The following CYTH1 variants were observed in gnomAD, a reference collection of about 807,000 sequenced individuals.
The protein encoded by CYTH1 is cytohesin 1.
A neutral mutation model predicts 61.8 loss-of-function variants in CYTH1; 18 were observed. The ratio of observed to expected loss-of-function variants is 0.29; its 90% CI spans 0.20 to 0.43. The LOEUF is 0.43. Ranked by LOEUF, CYTH1 falls within the 20% of genes least tolerant of loss-of-function variation. CYTH1 has a pLI of 1.00. For missense variants in CYTH1, 336 were observed against 510.5 expected (o/e 0.66, Z 3.29); for synonymous variants, 174 against 184.3 (o/e 0.94, Z 0.45).
At chr17:78,676,366 C>A in intron 13 of CYTH1, 197 bp from the exon 14 acceptor site, 1 of 580,674 alleles carries the variant, frequency 1.7e-6, no homozygotes, top group South Asian at 2.2e-5. Context: ...TCGAAAGAGA[C>A]ACAGGAACAC....
intron 11 of CYTH1, among the ~76,000 whole-genome samples, chr17:78,681,874 T>C (rs2092767891): frequency 6.6e-6 from 1 of 151,766 alleles, no homozygotes; most frequent in South Asian, 2.1e-4. Flanking sequence ...TTCTATGAGT[T>C]CTCTAAAAGC....
chr17:78,757,790 C>T (rs2093407625), intron 1 of CYTH1, among the ~76,000 whole-genome samples: 2 of 151,578 alleles, frequency 1.3e-5, no homozygotes, highest in African/African-American at 4.8e-5. Context: ...AAAAATTAGC[C>T]AGGCATGGCT....
intron 11 of CYTH1, among the ~76,000 whole-genome samples, chr17:78,685,961 G>A (rs1421797030): frequency 2.0e-5 from 3 of 152,268 alleles, no homozygotes; most frequent in African/African-American, 7.2e-5. Context: ...TGGTCTAAGG[G>A]GCCAGGCTTT....
rs774924694 is a variant in CYTH1 at position 78,675,919 on chromosome 17, C to G, written c.*172G>C. The G allele has an allele frequency of 6.5e-7, 1 of 1,540,294 alleles. No homozygotes were observed. The highest frequency in any genetic ancestry group is 8.8e-7 in the Non-Finnish European group (1 of 1,141,922). Reference sequence around the variant, plus strand: ...CCGGTCCTCTCTTCCCCAGTGATAACTGCCCACCCTTCTCCCACTTAAAAA... The same window carrying G: ...CCGGTCCTCTCTTCCCCAGTGATAAGTGCCCACCCTTCTCCCACTTAAAAA... On this transcript the variant is annotated 3_prime_UTR_variant, in exon 14 of 14. Coordinates refer to ENST00000446868, the MANE Select transcript of CYTH1 (RefSeq NM_004762.6).
At chr17:78,705,648 T>C (rs1022003478) in intron 3 of CYTH1, among the ~76,000 whole-genome samples, 1 of 152,122 alleles carries the variant, frequency 6.6e-6, no homozygotes, top group Non-Finnish European at 1.5e-5. Flanking sequence ...GAGAAACAAA[T>C]GCAGGGTGAG....
At chr17:78,768,379 T>C (rs1424145342) in intron 1 of CYTH1, among the ~76,000 whole-genome samples, 1 of 152,198 alleles carries the variant, frequency 6.6e-6, no homozygotes, top group Non-Finnish European at 1.5e-5. Flanking sequence ...TGATCATCTC[T>C]GGAGTTGCAG....
At chr17:78,709,196 C>G in intron 2 of CYTH1, 1 of 159,822 alleles carries the variant, frequency 6.3e-6, no homozygotes, top group Non-Finnish European at 1.4e-5. Flanking sequence ...CAGGTGTTTT[C>G]ATGATCTGAC....
At chr17:78,716,755 G>GA (rs2093184294) in intron 1 of CYTH1, among the ~76,000 whole-genome samples, 1 of 152,146 alleles carries the variant, frequency 6.6e-6, no homozygotes, top group Admixed American at 6.5e-5. Flanking sequence ...GCCCCGGACA[G>GA]AAAAAACATC....
chr17:78,698,264 C>T lies in CYTH1; in HGVS notation c.811+5G>A. On this transcript the variant is annotated splice_donor_5th_base_variant and intron_variant, in intron 9 of 13. Transcript: ENST00000446868. ...TTAGGAGCCCTGACTCAGAGGTGCG[C>T]TTACCGAGTTTCAATAGCCAGCCTT... is the stretch of plus-strand genomic sequence containing the variant. 6.2e-7 allele frequency: 1 copy of T among 1,611,182 alleles called. No individual in the cohort carries two copies. Among genetic ancestry groups the T allele is most frequent in the Non-Finnish European group, 8.5e-7 (1 of 1,177,568 alleles).
At chr17:78,682,199 T>C (rs1008412269) in intron 11 of CYTH1, among the ~76,000 whole-genome samples, 1 of 152,112 alleles carries the variant, frequency 6.6e-6, no homozygotes, top group Non-Finnish European at 1.5e-5. Flanking sequence ...ATTTTTTCCT[T>C]CCTGAAAAGC....
At chr17:78,736,879 C>T (rs1313637262) in intron 1 of CYTH1, 1 of 174,908 alleles carries the variant, frequency 5.7e-6, no homozygotes, top group African/African-American at 2.4e-5. Context: ...GCTTCCTGAA[C>T]AGACAGGCAA....
chr17:78,688,391 C>T (rs878860640), intron 11 of CYTH1, among the ~76,000 whole-genome samples: 3 of 152,222 alleles, frequency 2.0e-5, no homozygotes, highest in Non-Finnish European at 4.4e-5. Context: ...TCGGTAGACT[C>T]GTCAACCTGG....
intron 1 of CYTH1, among the ~76,000 whole-genome samples, chr17:78,737,862 C>G (rs1211362987): frequency 1.5e-5 from 2 of 130,412 alleles, no homozygotes; most frequent in Non-Finnish European, 3.1e-5. Context: ...TATTCTCTCT[C>G]TCTTCTATAG....
At position 78,774,179 on chromosome 17, in the gene CYTH1, G is replaced by A. The variant is rs184805970; in HGVS notation, c.22+8023C>T. The stretch of plus-strand genomic sequence containing the variant: ...AATTGGTGCAGCCCTTTTGGAAAAA[G>A]TTGGCACCAGACATCAAGAATTCTA... On this transcript the variant is annotated intron_variant, in intron 1 of 13. Transcript: ENST00000446868. Among the ~76,000 whole-genome samples the A allele has an allele frequency of 3.3e-5, 5 of 152,288 alleles. No individual in the cohort carries two copies. In the East Asian group the frequency reaches 9.6e-4, roughly 29 times the overall value.
At chr17:78,682,785 C>T (rs756220397) in intron 11 of CYTH1, among the ~76,000 whole-genome samples, 8 of 152,230 alleles carry the variant, frequency 5.3e-5, no homozygotes, top group South Asian at 2.1e-4. Context: ...ACACGACTGC[C>T]GTCCTCTGTG....
chr17:78,751,474 C>A (rs1211621054), intron 1 of CYTH1, among the ~76,000 whole-genome samples: 26 of 145,156 alleles, frequency 1.8e-4, no homozygotes, highest in Admixed American at 2.1e-4. Flanking sequence ...CACAAAAATA[C>A]AAAAAAAAAA....
chr17:78,689,879 C>G (rs942668089), intron 11 of CYTH1, among the ~76,000 whole-genome samples: 2 of 152,002 alleles, frequency 1.3e-5, no homozygotes, highest in Non-Finnish European at 2.9e-5. Context: ...GAGAAACCAG[C>G]GAGACTGCCG....
chr17:78,726,814 G>C (rs188624398), intron 1 of CYTH1, among the ~76,000 whole-genome samples: 77 of 152,310 alleles, frequency 5.1e-4, no homozygotes, highest in African/African-American at 1.8e-3. Context: ...AGAAAGAAAA[G>C]GGACTGGAAG....
chr17:78,676,357 C>A lies in CYTH1; in HGVS notation c.1119-188G>T, dbSNP rs755555483. The A allele has an allele frequency of 5.1e-6, 3 of 590,650 alleles. No individual in the cohort carries two copies. In the African/African-American group the frequency reaches 5.6e-5, roughly 11 times the overall value. 36.6% of individuals were successfully genotyped at this position (590,650 alleles called of 1,614,324 possible). A position where few individuals can be genotyped will look rare whatever the true frequency, so the allele number is the denominator to read the frequency against. ...CACAGTGACCTAAGGTGACACACTT[C>A]GAAAGAGACACAGGAACACGTGACA... On this transcript the variant is annotated intron_variant, in intron 13 of 13. Coordinates refer to ENST00000446868, the MANE Select transcript of CYTH1 (RefSeq NM_004762.6).
Sources: allele counts gnomAD v4.1 joint callset (sites outside exome capture counted in the v4.1 genomes callset), GRCh38; gene constraint gnomAD v4.1.1; transcripts MANE v1.5; gene names NCBI Gene and HGNC (gene_info 2026-07-23, HGNC 2026-07-21).